The following AKAP13 variants were observed in gnomAD, a reference collection of about 807,000 sequenced individuals.
AKAP13 encodes A-kinase anchor protein 13.
AKAP13 carries 80 observed loss-of-function variants against 264.5 expected under a neutral mutation model. The observed-to-expected ratio is 0.30, with a 90% CI of 0.25 to 0.36. The LOEUF (loss-of-function observed/expected upper bound fraction) is 0.36, where lower values mean the gene tolerates loss of function less well. AKAP13 is among the 10% of genes least tolerant of loss of function. The probability of loss-of-function intolerance (pLI) is 1.00; values close to 1 mark genes in which losing one functional copy is unlikely to be tolerated. For synonymous variants in AKAP13, 1,380 were observed against 1,250.2 expected (o/e 1.10, Z -2.19); for missense variants, 3,712 against 3,435.2 (o/e 1.08, Z -2.01).
intron 3 of AKAP13, 150 bp downstream of exon 3, chr15:85,521,725 G>T (rs1360157709): frequency 1.2e-6 from 1 of 865,858 alleles, no homozygotes; most frequent in African/African-American, 1.7e-5. Context: ...ATCTGGTCCT[G>T]CTGGTATTGG....
At chr15:85,518,967 C>T (rs1368724183) in intron 2 of AKAP13, among the ~76,000 whole-genome samples, 3 of 152,198 alleles carry the variant, frequency 2.0e-5, no homozygotes, top group Non-Finnish European at 4.4e-5. Flanking sequence ...AAGGAAGGCC[C>T]AGACTTCACT....
chr15:85,569,189 G>A (rs945971999), intron 5 of AKAP13, among the ~76,000 whole-genome samples: 3 of 152,206 alleles, frequency 2.0e-5, no homozygotes, highest in African/African-American at 7.2e-5. Flanking sequence ...CCCTGGTAAA[G>A]ACATTCATAA....
At chr15:85,454,278 C>T (rs1390754866) in intron 1 of AKAP13, among the ~76,000 whole-genome samples, 3 of 152,188 alleles carry the variant, frequency 2.0e-5, no homozygotes, top group Non-Finnish European at 2.9e-5. Context: ...CTCCACATGG[C>T]TCTGTTGGTC....
intron 3 of AKAP13, among the ~76,000 whole-genome samples, chr15:85,531,169 C>T (rs1299625178): frequency 6.6e-6 from 1 of 152,176 alleles, no homozygotes; most frequent in Non-Finnish European, 1.5e-5. Context: ...CTAAGTCCTT[C>T]TTAATTGCCA....
chr15:85,620,303 G>C (rs1461771612), intron 8 of AKAP13: 3 of 816,080 alleles, frequency 3.7e-6, no homozygotes, highest in African/African-American at 3.4e-5. Flanking sequence ...TGGAGGATGA[G>C]GGGTGAATGT....
chr15:85,410,622 G>A (rs1324048787), intron 1 of AKAP13, among the ~76,000 whole-genome samples: 3 of 151,340 alleles, frequency 2.0e-5, no homozygotes. Flanking sequence ...TTGATAGGTG[G>A]GCCATTTCTC....
chr15:85,484,812 G>T (rs561167236), intron 1 of AKAP13, among the ~76,000 whole-genome samples: 1 of 152,278 alleles, frequency 6.6e-6, no homozygotes, highest in East Asian at 1.9e-4. Context: ...TACAAAGTTT[G>T]TTATTTTGTC....
chr15:85,657,164 A>G lies in AKAP13; in HGVS notation c.4746-1373A>G, dbSNP rs1246415571. Among the ~76,000 whole-genome samples, 7 of 63,784 alleles carry G rather than the reference A, an allele frequency of 1.1e-4. 1 individual carries two copies. The highest frequency in any genetic ancestry group is 9.1e-5 in the Non-Finnish European group (3 of 33,078). 41.8% of individuals were successfully genotyped at this position (63,784 alleles called of 152,430 possible). The stretch of plus-strand genomic sequence containing the variant: ...GTCTCAAAATAATAATAATAATAGT[A>G]GTAATAATAATAATTGATGTAAACA... On this transcript the variant is annotated intron_variant, in intron 11 of 36. Transcript: ENST00000394518.
chr15:85,388,972 C>G (rs2070723649), intron 1 of AKAP13, among the ~76,000 whole-genome samples: 1 of 152,128 alleles, frequency 6.6e-6, no homozygotes, highest in Non-Finnish European at 1.5e-5. Context: ...TTGTTACACC[C>G]CATTACTAAG....
chr15:85,446,579 A>G lies in AKAP13; in HGVS notation c.-11-39131A>G, dbSNP rs113853685. Among the ~76,000 whole-genome samples the G allele has an allele frequency of 7.0e-4, 106 of 152,222 alleles. 2 individuals carry two copies. The highest frequency in any genetic ancestry group is 2.2e-4 in the African/African-American group (9 of 41,458). On this transcript the variant is annotated intron_variant, in intron 1 of 36. Coordinates refer to ENST00000394518, the MANE Select transcript of AKAP13 (RefSeq NM_007200.5). ...GTTGAGAGTGGTTTGCCTATAAGCA[A>G]TAGTTGAAACTGAGAGAATGGGATG... is the stretch of plus-strand genomic sequence containing the variant.
At chr15:85,732,518 G>A (rs893682792) in intron 30 of AKAP13, among the ~76,000 whole-genome samples, 4 of 149,806 alleles carry the variant, frequency 2.7e-5, no homozygotes, top group African/African-American at 9.8e-5. Context: ...AACATAAAAT[G>A]TGTATATGAA....
At chr15:85,474,194 G>T (rs950800968) in intron 1 of AKAP13, among the ~76,000 whole-genome samples, 2 of 152,170 alleles carry the variant, frequency 1.3e-5, no homozygotes, top group African/African-American at 4.8e-5. Flanking sequence ...AAGCTAACAT[G>T]TTCTCAGCTC....
At chr15:85,497,237 G>A (rs1025771030) in intron 2 of AKAP13, among the ~76,000 whole-genome samples, 1 of 152,164 alleles carries the variant, frequency 6.6e-6, no homozygotes, top group Non-Finnish European at 1.5e-5. Flanking sequence ...TAGGTGAATG[G>A]GACATTTGAT....
At chr15:85,715,671 A>T (rs2086891708) in intron 19 of AKAP13, 117 bp from the exon 20 acceptor site, 2 of 1,217,730 alleles carry the variant, frequency 1.6e-6, no homozygotes, top group Non-Finnish European at 2.2e-6. Context: ...ATATAAACTT[A>T]CAGTTCCAGG....
Position 85,682,166 on chromosome 15 carries a change from C to G in AKAP13, c.5110C>G (p.Pro1704Ala). 1 of 1,613,444 alleles carries G rather than the reference C, an allele frequency of 6.2e-7. No individual in the cohort carries two copies. Among genetic ancestry groups the G allele is most frequent in the Non-Finnish European group, 8.5e-7 (1 of 1,179,918 alleles). Residue 1704 changes from proline to alanine, a missense_variant, in exon 15 of 37, where the codon CCC becomes GCC. This residue lies in a region of AKAP13 where 2,759 missense variants were observed against 2,411.7 expected (regional missense o/e 1.14). Coordinates refer to ENST00000394518, the MANE Select transcript of AKAP13 (RefSeq NM_007200.5). ...TCTGCCTTGTTTTCTAGATTCACGG[C>G]CCTTCCACAGTACCTTCCACAATAC... ...ISHPGLDNSR[P>A]FHSTFHNTSA...
At chr15:85,703,892 A>AT (rs956707263) in intron 17 of AKAP13, among the ~76,000 whole-genome samples, 9 of 150,114 alleles carry the variant, frequency 6.0e-5, no homozygotes, top group African/African-American at 1.5e-4. Flanking sequence ...ATATTTAATA[A>AT]TTTTTTTTTG....
rs1331261670 is a variant in AKAP13, at chr15:85,521,515, C to T, written c.121C>T (p.Leu41Phe). 1.1e-5 allele frequency: 17 copies of T among 1,614,016 alleles called. No homozygotes were observed. The highest frequency in any genetic ancestry group is 1.3e-5 in the Non-Finnish European group (15 of 1,180,020). ...TTACTTGGTATTTTTGGGTTCCACC[C>T]TCCGTCACTGTACAAGTACTCGGAA... ...VFYLVFLGST[L>F]RHCTSTRKVS... is the part of the protein sequence containing the mutation. The change falls in exon 3 of 37, where the codon CTC (leucine) becomes TTC (phenylalanine). Residue 41 changes from leucine (L) to phenylalanine (F), a missense_variant. By Grantham distance (22) the Leu-to-Phe change is conservative. Transcript: ENST00000394518.
chr15:85,590,627 T>C (rs902503691), intron 8 of AKAP13, among the ~76,000 whole-genome samples: 3 of 152,262 alleles, frequency 2.0e-5, no homozygotes, highest in Non-Finnish European at 4.4e-5. Flanking sequence ...CTGATATTTC[T>C]TTATTGGGGT....
intron 1 of AKAP13, among the ~76,000 whole-genome samples, chr15:85,442,113 T>A (rs1004538210): frequency 1.3e-5 from 2 of 152,056 alleles, no homozygotes; most frequent in East Asian, 3.9e-4. Flanking sequence ...ACAGAACATT[T>A]GTTAAAAATA....
Sources: allele counts gnomAD v4.1 joint callset (sites outside exome capture counted in the v4.1 genomes callset), GRCh38; gene constraint gnomAD v4.1.1; regional missense constraint gnomAD v4.1.1; transcripts MANE v1.5; gene names NCBI Gene and HGNC (gene_info 2026-07-23, HGNC 2026-07-21).